ITGAL: variants seen among roughly 807,000 people sequenced by gnomAD.
ITGAL encodes the protein integrin alpha-L.
A neutral mutation model predicts 138.4 loss-of-function variants in ITGAL; 68 were observed. The observed-to-expected ratio is 0.49, with a 90% confidence interval of 0.40 to 0.60. The LOEUF (loss-of-function observed/expected upper bound fraction) is 0.60, where lower values mean the gene tolerates loss of function less well. Ranked by LOEUF, ITGAL falls within the 20% of genes least tolerant of loss-of-function variation. The pLI, the probability that ITGAL is intolerant of heterozygous loss-of-function variation, is 0.00. For synonymous variants in ITGAL, 561 were observed against 584.3 expected (o/e 0.96, Z 0.57); for missense variants, 1,256 against 1,478.6 (o/e 0.85, Z 2.47).
chr16:30,496,597 G>A (rs749665286), intron 15 of ITGAL, 31 bp downstream of exon 15: 2 of 1,590,092 alleles, frequency 1.3e-6, no homozygotes, highest in Admixed American at 1.9e-5. Context: ...CACACCTGAT[G>A]ACCCCAGCTC....
intron 9 of ITGAL, among the ~76,000 whole-genome samples, chr16:30,488,278 G>A (rs1213936785): frequency 6.6e-6 from 1 of 152,048 alleles, no homozygotes; most frequent in African/African-American, 2.4e-5. Flanking sequence ...ATGGAGTATA[G>A]AGAAGACTCC....
intron 30 of ITGAL, among the ~76,000 whole-genome samples, chr16:30,520,502 G>A (rs1023826101): frequency 2.6e-5 from 4 of 152,212 alleles, no homozygotes; most frequent in Admixed American, 6.5e-5. Flanking sequence ...GAGCCAGGAC[G>A]AGGCGTCCTG....
At chr16:30,503,827 A>G (rs1368048435) in intron 17 of ITGAL, 2 of 179,092 alleles carry the variant, frequency 1.1e-5, no homozygotes, top group Non-Finnish European at 2.4e-5. Flanking sequence ...AAATTCTAGA[A>G]CTAGGATATT....
At chr16:30,474,574 C>T (rs774093052) in intron 2 of ITGAL, 7 of 425,396 alleles carry the variant, frequency 1.6e-5, no homozygotes, top group Admixed American at 3.8e-5. Flanking sequence ...CCTGACACTC[C>T]CTTACTCCCC....
In ITGAL at chr16:30,494,222, G is replaced by C; in HGVS notation, c.1224G>C (p.Val408=). 1 of 1,608,234 alleles carries C rather than the reference G, an allele frequency of 6.2e-7. No homozygotes were observed. Among genetic ancestry groups the C allele is most frequent in the East Asian group, 2.2e-5 (1 of 44,756 alleles). ...EVRAGYLGYT[V]TWLPSRQKTS... ...ACACACTTTCCTCAGGTTACACCGT[G>C]ACCTGGCTGCCCTCCCGGCAAAAGA... The change falls in exon 12 of 31, where the codon GTG becomes GTC. Residue 408 remains valine, a synonymous_variant. Coordinates refer to ENST00000356798, the MANE Select transcript of ITGAL (RefSeq NM_002209.3). The surrounding 1 kb of genome is among the most constrained non-coding windows in gnomAD (Gnocchi z 4.2).
intron 9 of ITGAL, among the ~76,000 whole-genome samples, chr16:30,484,624 A>G (rs1267554079): frequency 6.7e-6 from 1 of 148,794 alleles, no homozygotes; most frequent in Admixed American, 6.7e-5. Flanking sequence ...AATAAAAAAC[A>G]AAAAACAAAA....
At position 30,489,116 on chromosome 16, in the gene ITGAL, G is replaced by A. The variant is rs2050688204; in HGVS notation, c.1041G>A (p.Met347Ile). 1 of 1,613,980 alleles carries A rather than the reference G, an allele frequency of 6.2e-7. No individual in the cohort carries two copies. Among genetic ancestry groups the A allele is most frequent in the Non-Finnish European group, 8.5e-7 (1 of 1,180,042 alleles). ...TSKQDLTSFN[M>I]ELSSSGISAD... ...AACAGGACCTGACTTCCTTCAACAT[G>A]GAGCTGTCCTCCAGCGGCATCAGTG... The change falls in exon 10 of 31, where the codon ATG becomes ATA. Residue 347 changes from methionine to isoleucine, a missense_variant. Physicochemically the swap from Met to Ile is conservative, Grantham distance 10 (BLOSUM62 1). Coordinates refer to ENST00000356798, the MANE Select transcript of ITGAL (RefSeq NM_002209.3).
chr16:30,491,634 T>TC (rs987736879), intron 11 of ITGAL, among the ~76,000 whole-genome samples: 3 of 148,948 alleles, frequency 2.0e-5, no homozygotes, highest in Admixed American at 6.7e-5. Flanking sequence ...GTACTGTTCC[T>TC]TTTTTTTTTC....
At chr16:30,520,077 G>T in intron 30 of ITGAL, 110 bp downstream of exon 30, 2 of 779,940 alleles carry the variant, frequency 2.6e-6, no homozygotes, top group South Asian at 1.6e-5. Context: ...AGAGCCAGGG[G>T]GCCTCAGAGC....
intron 20 of ITGAL, among the ~76,000 whole-genome samples, chr16:30,505,777 G>A (rs2050980568): frequency 6.6e-6 from 1 of 152,184 alleles, no homozygotes; most frequent in Admixed American, 6.5e-5. Context: ...CCAGCTACTT[G>A]GGAGATTGAG....
In ITGAL at chr16:30,499,374, T is replaced by C; in HGVS notation, c.2030T>C (p.Leu677Pro). 1.2e-6 allele frequency: 2 copies of C among 1,614,058 alleles called. No individual in the cohort carries two copies. Among genetic ancestry groups the C allele is most frequent in the Non-Finnish European group, 1.7e-6 (2 of 1,180,020 alleles). ...LVANLTYTLQLDGHRTRRRGL... is the reference protein window; with the variant it reads ...LVANLTYTLQPDGHRTRRRGL... Reference sequence around the variant, plus strand: ...GCCAATCTCACTTACACTCTGCAGCTGGATGGCCACCGGACCAGAAGACGG... The same window carrying C: ...GCCAATCTCACTTACACTCTGCAGCCGGATGGCCACCGGACCAGAAGACGG... The change falls in exon 17 of 31, where the codon CTG becomes CCG. Residue 677 changes from leucine (L) to proline (P), a missense_variant. By Grantham distance (98) the Leu-to-Pro change is moderately conservative. Around this residue, in one of 3 missense-constraint regions of ITGAL, gnomAD observed 867 missense variants for 972.5 expected, o/e 0.89. Transcript: ENST00000356798.
At chr16:30,519,060 C>A (rs896933757) in intron 29 of ITGAL, among the ~76,000 whole-genome samples, 1 of 151,934 alleles carries the variant, frequency 6.6e-6, no homozygotes, top group Non-Finnish European at 1.5e-5. Context: ...CCCATCTCTA[C>A]AAAAATACAA....
At chr16:30,513,735 C>T (rs2051124608) in intron 24 of ITGAL, 36 bp from the exon 25 acceptor site, 1 of 1,564,882 alleles carries the variant, frequency 6.4e-7, no homozygotes, top group Admixed American at 1.7e-5. Context: ...GTTGCTGTCA[C>T]TTCGTTCTTC....
In ITGAL at chr16:30,510,466, C is replaced by T; in HGVS notation, c.2614C>T (p.His872Tyr). ...GAGCTCTCCCATCTTCAAAGCAGGC[C>T]ACTCGGTGAGTGCTTCAAGTCTCCA... ...NVSSPIFKAG[H>Y]SVALQMMFNT... The change falls in exon 22 of 31, where the codon CAC becomes TAC. Residue 872 changes from histidine (H) to tyrosine (Y), a missense_variant. His to Tyr is a moderately conservative substitution (Grantham distance 83). Coordinates refer to ENST00000356798, the MANE Select transcript of ITGAL (RefSeq NM_002209.3). 2.5e-6 allele frequency: 4 copies of T among 1,586,804 alleles called. No homozygotes were observed. The highest frequency in any genetic ancestry group is 3.5e-6 in the Non-Finnish European group (4 of 1,155,028).
intron 9 of ITGAL, 194 bp from the exon 10 acceptor site, chr16:30,488,888 A>G: frequency 1.7e-6 from 1 of 580,282 alleles, no homozygotes; most frequent in Admixed American, 2.8e-5. Flanking sequence ...ACAACAAAAA[A>G]CAAACAAATC....
At chr16:30,514,494 CT>C (rs1327101813) in intron 25 of ITGAL, among the ~76,000 whole-genome samples, 1 of 145,802 alleles carries the variant, frequency 6.9e-6, no homozygotes, top group Non-Finnish European at 1.5e-5. Flanking sequence ...CCAGGCTGGT[CT>C]TGAACTCCTG....
rs780502096 is a variant in ITGAL, at chr16:30,475,639, A to AGAAGAAAAGAAGAAGAATGT, written c.327+61_327+80dup. ...TGTGAAGCTCAATTCAAGTAATGAGAGAAGAAAAGAAGAAGAATGTGGATA... is the reference window on the plus strand; with the variant it reads ...TGTGAAGCTCAATTCAAGTAATGAGAGAAGAAAAGAAGAAGAATGTGAAGAAAAGAAGAAGAATGTGGATA... On this transcript the variant is annotated intron_variant, in intron 4 of 30. Coordinates refer to ENST00000356798, the MANE Select transcript of ITGAL (RefSeq NM_002209.3). The AGAAGAAAAGAAGAAGAATGT allele has an allele frequency of 2.1e-4, 266 of 1,283,520 alleles. 1 individual carries two copies. The highest frequency in any genetic ancestry group is 1.0e-3 in the Admixed American group (59 of 59,244). 79.5% of individuals were successfully genotyped at this position (1,283,520 alleles called of 1,614,324 possible).
intron 15 of ITGAL, among the ~76,000 whole-genome samples, chr16:30,496,837 G>T (rs2050808056): frequency 6.6e-6 from 1 of 150,898 alleles, no homozygotes; most frequent in African/African-American, 2.4e-5. Context: ...TAGCAATGGG[G>T]ACTTACTTTG....
In ITGAL at chr16:30,510,980, A is replaced by C; in HGVS notation, c.2699+20A>C. The C allele has an allele frequency of 4.3e-6, 7 of 1,613,584 alleles. No individual in the cohort carries two copies. Among genetic ancestry groups the C allele is most frequent in the Non-Finnish European group, 5.9e-6 (7 of 1,179,638 alleles). On this transcript the variant is annotated intron_variant, in intron 23 of 30. Transcript: ENST00000356798. ...GACCTGGTGAGCAGGCCCCGCCCAC[A>C]TCCCTGCCATGGTCTCAGACCTGGC...
Sources: gnomAD v4.1 joint callset for allele counts (sites outside exome capture counted in the v4.1 genomes callset) on GRCh38, gnomAD v4.1.1 for gene constraint, gnomAD v4.1.1 regional missense constraint, Gnocchi (gnomAD v3.1) non-coding constraint, MANE v1.5 for transcripts, NCBI Gene and HGNC (gene_info 2026-07-23, HGNC 2026-07-21) for gene names.